SZT2: variants seen among roughly 807,000 people sequenced by gnomAD.
SZT2 encodes the protein SZT2 subunit of KICSTOR complex.
Under a neutral mutation model 404.2 loss-of-function variants are expected in SZT2, and 216 were observed. That is an observed-to-expected ratio of 0.53 (90% CI 0.48 to 0.60). The LOEUF is 0.60. SZT2 is among the 20% of genes least tolerant of loss of function. The pLI is 0.00. For missense variants in SZT2, 3,857 were observed against 4,459.2 expected (o/e 0.86, Z 3.85); for synonymous variants, 1,693 against 1,749.9 (o/e 0.97, Z 0.81).
chr1:43,393,230 G>C (rs1460598738), intron 1 of SZT2, among the ~76,000 whole-genome samples: 2 of 152,210 alleles, frequency 1.3e-5, no homozygotes, highest in Non-Finnish European at 2.9e-5. Flanking sequence ...AAGGAGCCCA[G>C]TGGAGCCTTC....
chr1:43,424,145 G>A lies in SZT2; in HGVS notation c.2256-72G>A. On this transcript the variant is annotated intron_variant, in intron 15 of 71. Coordinates refer to ENST00000634258, the MANE Select transcript of SZT2 (RefSeq NM_001365999.1). The surrounding 1 kb of genome is among the most constrained non-coding windows in gnomAD (Gnocchi z 4.1). ...GGCGTGGCTTAGCCAGCTGTGAGTG[G>A]TACAGAGGTGTGGAAGGGCGTGGCT... 4 of 1,334,048 alleles carry A rather than the reference G, an allele frequency of 3.0e-6. No individual in the cohort carries two copies. Among genetic ancestry groups the A allele is most frequent in the Non-Finnish European group, 4.1e-6 (4 of 968,040 alleles). The allele number at this position is 1,334,048 out of a possible 1,614,324, so 82.6% of individuals were successfully genotyped here.
chr1:43,389,944 C>A lies in SZT2; in HGVS notation c.-25C>A. ...CAAGAGTGGAACACCCTCACTGGCCCGGGCCGGCGCGGGAGGGCTGTGTGA... is the reference window on the plus strand; with the variant it reads ...CAAGAGTGGAACACCCTCACTGGCCAGGGCCGGCGCGGGAGGGCTGTGTGA... On this transcript the variant is annotated 5_prime_UTR_variant, in exon 1 of 72. Coordinates refer to ENST00000634258, the MANE Select transcript of SZT2 (RefSeq NM_001365999.1). 1 of 1,462,864 alleles carries A rather than the reference C, an allele frequency of 6.8e-7. No individual in the cohort carries two copies. The highest frequency in any genetic ancestry group is 9.0e-7 in the Non-Finnish European group (1 of 1,107,548). 90.6% of individuals were successfully genotyped at this position (1,462,864 alleles called of 1,614,324 possible). A position where few individuals can be genotyped will look rare whatever the true frequency, so the allele number is the denominator to read the frequency against.
rs763627630 is a variant in SZT2 at position 43,450,329 on chromosome 1, C to G, written c.10156-8C>G. ...CTCACCAGTGCATCCCCACCGTGTT[C>G]CCCACAGTCTCTGACAGTGGTTTTC... is the stretch of plus-strand genomic sequence containing the variant. On this transcript the variant is annotated splice_polypyrimidine_tract_variant and splice_region_variant and intron_variant, in intron 71 of 71. Transcript: ENST00000634258. This position sits in a 1 kb window ranked among gnomAD's most constrained non-coding sequence, Gnocchi z 4.3. The G allele has an allele frequency of 5.3e-5, 85 of 1,613,916 alleles. No individual in the cohort carries two copies. Among genetic ancestry groups the G allele is most frequent in the Non-Finnish European group, 6.4e-5 (75 of 1,179,968 alleles).
chr1:43,415,024 T>C, intron 4 of SZT2, 58 bp from the exon 5 acceptor site: 1 of 1,567,620 alleles, frequency 6.4e-7, no homozygotes, highest in South Asian at 1.1e-5. Flanking sequence ...AGAGCAGAAG[T>C]GTAGTGGTCT....
chr1:43,421,084 T>C (rs571260476), intron 10 of SZT2, 90 bp from the exon 11 acceptor site: 68 of 1,595,720 alleles, frequency 4.3e-5, no homozygotes, highest in Non-Finnish European at 5.3e-5. Context: ...AGAACCAGGC[T>C]TATATCCAGG....
chr1:43,394,682 C>CA (rs1490818282), intron 1 of SZT2, among the ~76,000 whole-genome samples: 1 of 151,878 alleles, frequency 6.6e-6, no homozygotes, highest in Non-Finnish European at 1.5e-5. Context: ...AGTTTGAGAC[C>CA]AGCCTCACCA....
chr1:43,449,796 G>C, intron 70 of SZT2: 1 of 482,006 alleles, frequency 2.1e-6, no homozygotes, highest in Non-Finnish European at 3.8e-6. Context: ...CCCAGGACAG[G>C]AGGCAAGGAG....
In SZT2 at chr1:43,437,804, C is replaced by T. The variant is rs753588432; in HGVS notation, c.6410C>T (p.Pro2137Leu). 6.2e-6 allele frequency: 10 copies of T among 1,614,058 alleles called. No individual in the cohort carries two copies. The highest frequency in any genetic ancestry group is 3.3e-5 in the Admixed American group (2 of 59,998). The part of the protein sequence containing the change: ...YSEEASGPRS[P>L]LDMVSSRSSD... ...TTTTCCCTGTAGGGTCCTCGTTCTCCCTTAGACATGGTCTCTAGCCGCAGT... is the reference window on the plus strand; with the variant it reads ...TTTTCCCTGTAGGGTCCTCGTTCTCTCTTAGACATGGTCTCTAGCCGCAGT... The change falls in exon 46 of 72, where the codon CCC (proline) becomes CTC (leucine). Residue 2137 changes from proline (P) to leucine (L), a missense_variant. Physicochemically the swap from Pro to Leu is moderately conservative, Grantham distance 98. Around this residue, in one of 7 missense-constraint regions of SZT2, gnomAD observed 261 missense variants for 372.9 expected, o/e 0.70. Coordinates refer to ENST00000634258, the MANE Select transcript of SZT2 (RefSeq NM_001365999.1). This position sits in a 1 kb window ranked among gnomAD's most constrained non-coding sequence, Gnocchi z 5.3.
intron 2 of SZT2, 96 bp from the exon 3 acceptor site, chr1:43,403,505 A>G: frequency 1.4e-6 from 2 of 1,440,240 alleles, no homozygotes; most frequent in Non-Finnish European, 1.9e-6. Context: ...AGGGAGGTAG[A>G]GCCAATGATG....
intron 51 of SZT2, 149 bp downstream of exon 51, chr1:43,440,197 C>T (rs1293348685): frequency 3.3e-5 from 41 of 1,244,748 alleles, no homozygotes; most frequent in Non-Finnish European, 4.4e-5. Context: ...TGTCCGTGAG[C>T]TTGTCTGGGC....
chr1:43,418,884 G>T (rs903073584), intron 7 of SZT2, among the ~76,000 whole-genome samples: 1 of 152,208 alleles, frequency 6.6e-6, no homozygotes, highest in Non-Finnish European at 1.5e-5. Context: ...GAATAGTGTT[G>T]TATGTAATCA....
In SZT2 at chr1:43,438,803, C is replaced by A; in HGVS notation, c.6613C>A (p.Pro2205Thr). ...GCTTGTTCGGAACTGCAAGCTGACA[C>A]CAGCTGATGTGGAGGTCAGCTCCCC... ...VMLVRNCKLTPADVEFIQPPG... is the reference protein window; with the variant it reads ...VMLVRNCKLTTADVEFIQPPG... The change falls in exon 47 of 72, where the codon CCA (proline) becomes ACA (threonine). Residue 2205 changes from proline (P) to threonine (T), a missense_variant. Pro to Thr is a conservative substitution (Grantham distance 38). This residue lies in a region of SZT2 where 261 missense variants were observed against 372.9 expected (regional missense o/e 0.70). Transcript: ENST00000634258. 1.2e-6 allele frequency: 2 copies of A among 1,613,494 alleles called. No individual in the cohort carries two copies. Among genetic ancestry groups the A allele is most frequent in the Non-Finnish European group, 1.7e-6 (2 of 1,179,552 alleles).
In SZT2 at chr1:43,446,215, C is replaced by T. The variant is rs1386555026; in HGVS notation, c.8953C>T (p.Arg2985Trp). The T allele has an allele frequency of 3.7e-6, 6 of 1,614,096 alleles. No homozygotes were observed. Among genetic ancestry groups the T allele is most frequent in the Admixed American group, 3.3e-5 (2 of 60,012 alleles). ...SSPVTTYHLQ[R>W]ALPGGIILME... ...TCCGGTAACCACCTACCACCTGCAG[C>T]GGGCACTGCCTGGGGGCATCATCCT... The change falls in exon 64 of 72, where the codon CGG (arginine) becomes TGG (tryptophan). Residue 2985 changes from arginine (R) to tryptophan (W), a missense_variant. This residue lies in a region of SZT2 where 717 missense variants were observed against 868.2 expected (regional missense o/e 0.83). Transcript: ENST00000634258.
chr1:43,415,299 G>A, intron 5 of SZT2, 86 bp downstream of exon 5: 1 of 1,501,756 alleles, frequency 6.7e-7, no homozygotes, highest in South Asian at 1.3e-5. Context: ...AGTCCAAATA[G>A]GGCAAAAAAG....
chr1:43,399,838 AG>A (rs1180730602), intron 1 of SZT2, among the ~76,000 whole-genome samples: 2 of 152,122 alleles, frequency 1.3e-5, no homozygotes, highest in Non-Finnish European at 2.9e-5. Flanking sequence ...ACTCACTCAA[AG>A]GATGAATCCA....
intron 7 of SZT2, 91 bp downstream of exon 7, chr1:43,416,732 C>A: frequency 9.9e-7 from 1 of 1,005,454 alleles, no homozygotes; most frequent in South Asian, 1.4e-5. Context: ...AGTGATTTCC[C>A]AGATAAAGTC....
intron 6 of SZT2, 30 bp downstream of exon 6, chr1:43,416,131 G>C (rs1296210234): frequency 6.3e-7 from 1 of 1,593,138 alleles, no homozygotes; most frequent in Non-Finnish European, 8.5e-7. Context: ...GTGGGACTGG[G>C]GAAGCAGGGA....
chr1:43,453,790 C>A lies in SZT2; in HGVS notation c.*3310C>A, dbSNP rs754502980. The A allele has an allele frequency of 2.3e-6, 3 of 1,280,472 alleles. No homozygotes were observed. The highest frequency in any genetic ancestry group is 2.8e-5 in the South Asian group (1 of 35,940). 79.3% of individuals were successfully genotyped at this position (1,280,472 alleles called of 1,614,324 possible). On this transcript the variant is annotated 3_prime_UTR_variant, in exon 72 of 72. Coordinates refer to ENST00000634258, the MANE Select transcript of SZT2 (RefSeq NM_001365999.1). ...AGATTGGCGGAGAAGCGCAGCGGCG[C>A]CATGCCTGGGGAGGCCGGGCCGGGC...
At chr1:43,446,760 T>C in intron 65 of SZT2, 195 bp from the exon 66 acceptor site, 1 of 640,208 alleles carries the variant, frequency 1.6e-6, no homozygotes, top group Admixed American at 2.9e-5. Context: ...TTCATGGAGA[T>C]AGTTACAATA....
Sources: gnomAD v4.1 joint callset for allele counts (sites outside exome capture counted in the v4.1 genomes callset) on GRCh38, gnomAD v4.1.1 for gene constraint, gnomAD v4.1.1 regional missense constraint, Gnocchi (gnomAD v3.1) non-coding constraint, MANE v1.5 for transcripts, NCBI Gene and HGNC (gene_info 2026-07-23, HGNC 2026-07-21) for gene names.